Variants in PDE10A observed in about 807,000 individuals in gnomAD.
The protein encoded by PDE10A is phosphodiesterase 10A.
Under a neutral mutation model 97.7 loss-of-function variants are expected in PDE10A, and 39 were observed. The observed-to-expected ratio is 0.40, with a 90% CI of 0.31 to 0.52. The LOEUF (loss-of-function observed/expected upper bound fraction) is 0.52. Among genes scored for constraint, PDE10A ranks in the 20% least tolerant of loss-of-function variants. The pLI is 0.56. For synonymous variants in PDE10A, 371 were observed against 376.8 expected (o/e 0.98, Z 0.18); for missense variants, 731 against 1,047.8 (o/e 0.70, Z 4.17).
chr6:165,411,678 C>A (rs1314898606), intron 13 of PDE10A, among the ~76,000 whole-genome samples: 3 of 152,106 alleles, frequency 2.0e-5, no homozygotes, highest in Admixed American at 2.0e-4. Flanking sequence ...AGATAATGTC[C>A]TTGTTTTTAG....
chr6:165,436,121 C>T (rs1380058820), intron 5 of PDE10A, among the ~76,000 whole-genome samples: 5 of 152,046 alleles, frequency 3.3e-5, no homozygotes, highest in African/African-American at 1.2e-4. Flanking sequence ...AAATTGGGGG[C>T]AATATTTTGA....
At chr6:165,486,181 CTTG>C (rs1779906322) in intron 2 of PDE10A, among the ~76,000 whole-genome samples, 1 of 152,166 alleles carries the variant, frequency 6.6e-6, no homozygotes, top group Admixed American at 6.5e-5. Flanking sequence ...GGCAACAATG[CTTG>C]TTAATGTGTG....
At chr6:165,808,051 A>C (rs904006925) in intron 1 of PDE10A, among the ~76,000 whole-genome samples, 2 of 152,158 alleles carry the variant, frequency 1.3e-5, no homozygotes, top group African/African-American at 4.8e-5. Flanking sequence ...TGCGGTGTGC[A>C]GCCGAATTTC....
At chr6:165,387,077 T>A (rs527604074) in intron 17 of PDE10A, among the ~76,000 whole-genome samples, 1 of 152,122 alleles carries the variant, frequency 6.6e-6, no homozygotes, top group Admixed American at 6.5e-5. Flanking sequence ...TGTAAACATA[T>A]GTCATTTAAA....
chr6:165,840,995 T>C (rs886305854), intron 1 of PDE10A, among the ~76,000 whole-genome samples: 2 of 152,244 alleles, frequency 1.3e-5, no homozygotes, highest in African/African-American at 4.8e-5. Context: ...AGGATTCAAA[T>C]GTCAGTTATT....
intron 1 of PDE10A, among the ~76,000 whole-genome samples, chr6:165,740,522 A>T (rs1053665307): frequency 6.6e-6 from 1 of 152,076 alleles, no homozygotes; most frequent in African/African-American, 2.4e-5. Flanking sequence ...TTTAGTACAG[A>T]CGGGTTTTCA....
intron 1 of PDE10A, among the ~76,000 whole-genome samples, chr6:165,682,278 T>A (rs1388667067): frequency 6.6e-6 from 1 of 152,128 alleles, no homozygotes; most frequent in African/African-American, 2.4e-5. Flanking sequence ...ACCACAGACA[T>A]GCACCACCAC....
At chr6:165,831,724 A>C (rs909886952) in intron 1 of PDE10A, among the ~76,000 whole-genome samples, 27 of 151,902 alleles carry the variant, frequency 1.8e-4, no homozygotes, top group African/African-American at 6.5e-4. Flanking sequence ...TGACCTTGTG[A>C]TCCACCCACC....
In PDE10A at chr6:165,965,561, C is replaced by T. The variant is rs78050580; in HGVS notation, c.-615+21968G>A. ...GGATTTGATACCCTACAACTTCACA[C>T]TCCTGCCCTAATACTGCCATCCTTA... On this transcript the variant is annotated intron_variant, in intron 1 of 19. Coordinates refer to the PDE10A transcript ENST00000366882. 5.0e-3 allele frequency among the ~76,000 whole-genome samples: 766 copies of T among 152,314 alleles called. 9 individuals are homozygous for T. In the South Asian group the frequency reaches 0.057, roughly 11 times the overall value.
intron 3 of PDE10A, among the ~76,000 whole-genome samples, chr6:165,453,505 T>TTCC (rs1331467325): frequency 6.6e-6 from 1 of 152,204 alleles, no homozygotes. Context: ...AGGGCAAGGT[T>TTCC]TCCAGAAGGT....
Position 165,702,170 on chromosome 6 carries a change from G to C in PDE10A, c.-614-158602C>G, listed in dbSNP as rs1016568885. Among the ~76,000 whole-genome samples the C allele has an allele frequency of 5.3e-5, 8 of 152,370 alleles. 1 individual carries two copies. In the East Asian group the frequency reaches 1.5e-3, roughly 29 times the overall value. ...GGAATTCAGAACATGCCCTGGGACG[G>C]CAGAGGGTCTGCCTCAAGAAGGACC... is the stretch of plus-strand genomic sequence containing the variant. On this transcript the variant is annotated intron_variant, in intron 1 of 19. Coordinates refer to the PDE10A transcript ENST00000366882.
chr6:165,538,986 C>T, intron 2 of PDE10A, among the ~76,000 whole-genome samples: 1 of 152,256 alleles, frequency 6.6e-6, no homozygotes, highest in Non-Finnish European at 1.5e-5. Flanking sequence ...TATTTTCCTA[C>T]ATTTTTTCAA....
chr6:165,729,172 A>C (rs565896935), intron 1 of PDE10A, among the ~76,000 whole-genome samples: 2 of 151,636 alleles, frequency 1.3e-5, no homozygotes, highest in Non-Finnish European at 2.9e-5. Context: ...ACTGCACTCC[A>C]GCCTGGGTGA....
At chr6:165,638,336 C>T (rs1245544094) in intron 1 of PDE10A, among the ~76,000 whole-genome samples, 2 of 152,128 alleles carry the variant, frequency 1.3e-5, no homozygotes, top group African/African-American at 4.8e-5. Context: ...CAAATAAAAG[C>T]CAACTACAAA....
At chr6:165,358,946 T>C (rs1239967820) in intron 18 of PDE10A, among the ~76,000 whole-genome samples, 4 of 151,720 alleles carry the variant, frequency 2.6e-5, no homozygotes, top group Non-Finnish European at 5.9e-5. Context: ...CATACTTATC[T>C]ACTGAAAATT....
At chr6:165,474,739 A>G (rs1242858844) in intron 3 of PDE10A, among the ~76,000 whole-genome samples, 3 of 148,842 alleles carry the variant, frequency 2.0e-5, no homozygotes, top group African/African-American at 7.3e-5. Context: ...TTCCACTCTT[A>G]GTATTTGTAA....
chr6:165,448,800 G>T, intron 5 of PDE10A, 128 bp downstream of exon 5: 1 of 599,644 alleles, frequency 1.7e-6, no homozygotes, highest in South Asian at 2.4e-5. Context: ...ACCAAATATA[G>T]AAACAAAACA....
chr6:165,669,831 T>G (rs757472036), intron 1 of PDE10A, among the ~76,000 whole-genome samples: 52 of 152,368 alleles, frequency 3.4e-4, no homozygotes, highest in Non-Finnish European at 6.6e-4. Context: ...AAGAAATTCA[T>G]CTGCTGAGCC....
rs573745965 is a variant in PDE10A at position 165,776,231 on chromosome 6, T to G, written c.-615+211298A>C. On this transcript the variant is annotated intron_variant, in intron 1 of 19. Transcript: ENST00000366882. Reference sequence around the variant, plus strand: ...TCAAGCAGCTGTTCCTTATTAATTATGCATATGTATAACACACATTTAAAC... The same window carrying G: ...TCAAGCAGCTGTTCCTTATTAATTAGGCATATGTATAACACACATTTAAAC... Among the ~76,000 whole-genome samples, 48 of 152,386 alleles carry G rather than the reference T, an allele frequency of 3.1e-4. 1 individual carries two copies. The highest frequency in any genetic ancestry group is 1.8e-3 in the Admixed American group (27 of 15,310).
Sources: allele counts gnomAD v4.1 joint callset (sites outside exome capture counted in the v4.1 genomes callset), GRCh38; gene constraint gnomAD v4.1.1; transcripts MANE v1.5; gene names NCBI Gene and HGNC (gene_info 2026-07-23, HGNC 2026-07-21).